GPLD1: variants seen among roughly 807,000 people sequenced by gnomAD.
GPLD1 encodes phosphatidylinositol-glycan-specific phospholipase D.
Under a neutral mutation model 112.6 loss-of-function variants are expected in GPLD1, and 84 were observed. The ratio of observed to expected loss-of-function variants is 0.75; its 90% CI spans 0.63 to 0.89. GPLD1 has a LOEUF of 0.89. Ranked by LOEUF, GPLD1 falls within the 40% of genes least tolerant of loss-of-function variation. The pLI, the probability that GPLD1 is intolerant of heterozygous loss-of-function variation, is 0.00. For missense variants in GPLD1, 1,044 were observed against 1,051.5 expected (o/e 0.99, Z 0.10); for synonymous variants, 386 against 403.8 (o/e 0.96, Z 0.53).
chr6:24,438,069 G>C (rs1426304804), intron 20 of GPLD1, among the ~76,000 whole-genome samples: 1 of 152,182 alleles, frequency 6.6e-6, no homozygotes, highest in African/African-American at 2.4e-5. Flanking sequence ...TCTGAGTTCA[G>C]GTAAGCATTT....
chr6:24,488,579 A>T (rs1000221633), intron 1 of GPLD1, among the ~76,000 whole-genome samples: 9 of 152,186 alleles, frequency 5.9e-5, no homozygotes, highest in African/African-American at 2.2e-4. Context: ...TTTTGCTAAG[A>T]AAGATCTTAA....
At chr6:24,493,981 T>C (rs879423871), upstream of GPLD1, among the ~76,000 whole-genome samples, 11 of 152,238 alleles carry the variant, frequency 7.2e-5, no homozygotes, top group African/African-American at 1.2e-4. Flanking sequence ...GGTTTTAAGC[T>C]TCCCTGCTGC....
At chr6:24,462,014 C>G (rs565197584) in intron 11 of GPLD1, among the ~76,000 whole-genome samples, 1 of 152,122 alleles carries the variant, frequency 6.6e-6, no homozygotes, top group African/African-American at 2.4e-5. Flanking sequence ...GGCTTCTGGC[C>G]CTTAACATTG....
At chr6:24,476,725 C>T (rs1289828494) in intron 3 of GPLD1, among the ~76,000 whole-genome samples, 3 of 152,198 alleles carry the variant, frequency 2.0e-5, no homozygotes, top group African/African-American at 7.2e-5. Flanking sequence ...CATATGCTTT[C>T]AAGCATTTGA....
Position 24,467,179 on chromosome 6 carries a change from T to C in GPLD1, c.641A>G (p.Gln214Arg). Residue 214 changes from glutamine (Q) to arginine (R), a missense_variant, in exon 8 of 25, where the codon CAG (glutamine) becomes CGG (arginine). By Grantham distance (43) the Gln-to-Arg change is conservative. Coordinates refer to ENST00000230036, the MANE Select transcript of GPLD1 (RefSeq NM_001503.4). ...ENVIVDCSHI[Q>R]FLEMYGEMLA... Reference sequence around the variant, plus strand: ...GAGTTACGCTTACATTTCTAAGAACTGGATATGTGAACAATCAACGATTAC... The same window carrying C: ...GAGTTACGCTTACATTTCTAAGAACCGGATATGTGAACAATCAACGATTAC... 6.4e-7 allele frequency: 1 copy of C among 1,569,798 alleles called. No individual in the cohort carries two copies. Among genetic ancestry groups the C allele is most frequent in the Non-Finnish European group, 8.8e-7 (1 of 1,139,578 alleles).
At chr6:24,470,754 G>A (rs759165822) in intron 7 of GPLD1, among the ~76,000 whole-genome samples, 3 of 152,070 alleles carry the variant, frequency 2.0e-5, no homozygotes, top group South Asian at 2.1e-4. Context: ...ACGTGCCATC[G>A]TACCAGGCTA....
In GPLD1 at chr6:24,437,149, C is replaced by G. The variant is rs748536679; in HGVS notation, c.2161G>C (p.Val721Leu). The change falls in exon 21 of 25, where the codon GTT (valine) becomes CTT (leucine). Residue 721 changes from valine to leucine, a missense_variant. Physicochemically the swap from Val to Leu is conservative, Grantham distance 32. Transcript: ENST00000230036. The part of the protein sequence containing the change: ...GDRRFSRFGG[V>L]LHLSDLDDDG... ...TCATCCAGGTCACTCAAGTGCAGAA[C>G]GCCACCAAATCGGGAGAAGCGGCGG... The G allele has an allele frequency of 1.9e-6, 3 of 1,614,224 alleles. No individual in the cohort carries two copies. The highest frequency in any genetic ancestry group is 8.5e-7 in the Non-Finnish European group (1 of 1,180,016).
intron 14 of GPLD1, among the ~76,000 whole-genome samples, chr6:24,452,151 T>C (rs1763111106): frequency 6.6e-6 from 1 of 152,216 alleles, no homozygotes; most frequent in Admixed American, 6.5e-5. Context: ...ATGGAGCCAC[T>C]TCCTTTCTCA....
intron 22 of GPLD1, among the ~76,000 whole-genome samples, chr6:24,435,296 C>T (rs555889942): frequency 2.2e-4 from 33 of 152,226 alleles, no homozygotes; most frequent in African/African-American, 7.7e-4. Flanking sequence ...CAGGCGTGAG[C>T]CACTGCGCCC....
intron 20 of GPLD1, among the ~76,000 whole-genome samples, chr6:24,442,625 T>C (rs1490073673): frequency 6.6e-6 from 1 of 151,808 alleles, no homozygotes; most frequent in Non-Finnish European, 1.5e-5. Context: ...TTTGTGTTTT[T>C]AGTAGAGACA....
chr6:24,437,280 G>T lies in GPLD1; in HGVS notation c.2030C>A (p.Ser677Tyr), dbSNP rs1762609620. 1.2e-6 allele frequency: 2 copies of T among 1,613,532 alleles called. No individual in the cohort carries two copies. The highest frequency in any genetic ancestry group is 1.3e-5 in the African/African-American group (1 of 75,054). ...LVGAPTYDDV[S>Y]KVAFLTVTLH... ...GGTCACGGTCAGGAATGCCACCTTAGACACGTCATCTGAAACGAACCACAG... is the reference window on the plus strand; with the variant it reads ...GGTCACGGTCAGGAATGCCACCTTATACACGTCATCTGAAACGAACCACAG... Residue 677 changes from serine (S) to tyrosine (Y), a missense_variant, in exon 21 of 25, where the codon TCT (serine) becomes TAT (tyrosine). By Grantham distance (144) the Ser-to-Tyr change is moderately radical. Transcript: ENST00000230036.
At position 24,479,920 on chromosome 6, in the gene GPLD1, C is replaced by CG. The variant is rs758734222; in HGVS notation, c.192dup (p.Val65ArgfsTer4). 4.3e-6 allele frequency: 7 copies of CG among 1,610,938 alleles called. No individual in the cohort carries two copies. Among genetic ancestry groups the CG allele is most frequent in the Non-Finnish European group, 5.1e-6 (6 of 1,177,164 alleles). ...CTAGGGTAAAAACAATCAGGAAACACGATTCCAGCCTGATACGCATCCTGG... is the reference window on the plus strand; with the variant it reads ...CTAGGGTAAAAACAATCAGGAAACACGGATTCCAGCCTGATACGCATCCTGG... On this transcript the variant is annotated frameshift_variant, in exon 3 of 25. Transcript: ENST00000230036. LOFTEE classifies it high-confidence loss of function.
chr6:24,490,896 A>G (rs976949297), upstream of GPLD1, among the ~76,000 whole-genome samples: 1 of 152,218 alleles, frequency 6.6e-6, no homozygotes, highest in African/African-American at 2.4e-5. Flanking sequence ...CCTGAGGGGC[A>G]GTAGGCCCAG....
rs772956816 is a variant in GPLD1 at position 24,472,644 on chromosome 6, A to T, written c.491-8T>A. ...GGCTCAACACATCTCCTCCTAGGGT[A>T]TGAGAAAAATATTGACATTTGGTGG... On this transcript the variant is annotated splice_region_variant and splice_polypyrimidine_tract_variant and intron_variant, in intron 6 of 24. Coordinates refer to ENST00000230036, the MANE Select transcript of GPLD1 (RefSeq NM_001503.4). The T allele has an allele frequency of 1.9e-6, 3 of 1,539,270 alleles. No homozygotes were observed. Among genetic ancestry groups the T allele is most frequent in the Non-Finnish European group, 2.7e-6 (3 of 1,112,470 alleles).
chr6:24,464,710 G>C (rs1400912176), intron 10 of GPLD1, among the ~76,000 whole-genome samples: 1 of 152,180 alleles, frequency 6.6e-6, no homozygotes, highest in Non-Finnish European at 1.5e-5. Flanking sequence ...TCCTGACCTG[G>C]AACAGTCTCC....
At chr6:24,441,814 A>G (rs1289771587) in intron 20 of GPLD1, among the ~76,000 whole-genome samples, 4 of 152,132 alleles carry the variant, frequency 2.6e-5, no homozygotes, top group Non-Finnish European at 5.9e-5. Context: ...GGGGCCCTGC[A>G]TTTTTATTTG....
intron 5 of GPLD1, among the ~76,000 whole-genome samples, chr6:24,474,196 CACACACACACAT>C (rs1379442509): frequency 4.0e-5 from 6 of 148,694 alleles, no homozygotes; most frequent in South Asian, 2.1e-4. Context: ...CACACACACA[CACACACACACAT>C]ATATATGCAG....
intron 5 of GPLD1, among the ~76,000 whole-genome samples, chr6:24,474,153 AC>A (rs1317006229): frequency 2.1e-5 from 3 of 139,552 alleles, no homozygotes; most frequent in African/African-American, 5.3e-5. Flanking sequence ...AAAAACAACA[AC>A]AAAAAAAACC....
intron 20 of GPLD1, among the ~76,000 whole-genome samples, chr6:24,439,847 A>T (rs1350932297): frequency 1.3e-5 from 2 of 152,230 alleles, no homozygotes; most frequent in African/African-American, 4.8e-5. Flanking sequence ...TATACCTTCT[A>T]GTTAACATAG....
Sources: allele counts gnomAD v4.1 joint callset (sites outside exome capture counted in the v4.1 genomes callset), GRCh38; gene constraint gnomAD v4.1.1; transcripts MANE v1.5; gene names NCBI Gene and HGNC (gene_info 2026-07-23, HGNC 2026-07-21).